ZMYM4: variants seen among roughly 807,000 people sequenced by gnomAD.
The protein encoded by ZMYM4 is zinc finger MYM-type containing 4, also known as zinc finger MYM-type protein 4.
Under a neutral mutation model 183.2 loss-of-function variants are expected in ZMYM4, and 31 were observed. The observed-to-expected ratio is 0.17, with a 90% CI of 0.13 to 0.23. ZMYM4 has a LOEUF of 0.23. Ranked by LOEUF, ZMYM4 falls within the 10% of genes least tolerant of loss-of-function variation. The pLI, the probability that ZMYM4 is intolerant of heterozygous loss-of-function variation, is 1.00. For synonymous variants in ZMYM4, 592 were observed against 631.2 expected (o/e 0.94, Z 0.93); for missense variants, 1,273 against 1,840.3 (o/e 0.69, Z 5.64).
intron 1 of ZMYM4, among the ~76,000 whole-genome samples, chr1:35,320,432 A>G (rs1249001324): frequency 6.6e-6 from 1 of 152,202 alleles, no homozygotes; most frequent in Non-Finnish European, 1.5e-5. Context: ...GTATCATCCT[A>G]TGCATCTCTT....
chr1:35,388,620 T>C (rs1173619619), intron 13 of ZMYM4, among the ~76,000 whole-genome samples: 1 of 152,232 alleles, frequency 6.6e-6, no homozygotes, highest in Non-Finnish European at 1.5e-5. Flanking sequence ...CTAGTATAGA[T>C]ACTCTAAAAA....
chr1:35,271,282 T>A (rs1639585445), intron 1 of ZMYM4, among the ~76,000 whole-genome samples: 1 of 152,136 alleles, frequency 6.6e-6, no homozygotes, highest in South Asian at 2.1e-4. Context: ...TTCAACTAGA[T>A]TTTAAATATA....
Position 35,361,789 on chromosome 1 carries a change from A to G in ZMYM4, c.840A>G (p.Gln280=), listed in dbSNP as rs1489800841. The change falls in exon 5 of 30, where the codon CAA becomes CAG. Residue 280 remains glutamine, a splice_region_variant and synonymous_variant. Transcript: ENST00000314607. ...DKIKDEPDNA[Q]EYSHGQQQKT... Reference sequence around the variant, plus strand: ...TAAAAGATGAACCTGACAATGCTCAAGTAAACATTTCACCTTTTTTCCCCC... The same window carrying G: ...TAAAAGATGAACCTGACAATGCTCAGGTAAACATTTCACCTTTTTTCCCCC... 8.8e-6 allele frequency: 14 copies of G among 1,598,184 alleles called. No homozygotes were observed. Among genetic ancestry groups the G allele is most frequent in the Non-Finnish European group, 1.2e-5 (14 of 1,175,186 alleles).
chr1:35,336,734 A>G (rs1025592301), intron 2 of ZMYM4, among the ~76,000 whole-genome samples: 1 of 152,078 alleles, frequency 6.6e-6, no homozygotes, highest in Non-Finnish European at 1.5e-5. Flanking sequence ...GCTGAATCAT[A>G]TTCAGTTGTT....
intron 7 of ZMYM4, among the ~76,000 whole-genome samples, chr1:35,373,405 C>T (rs1244282829): frequency 1.4e-5 from 2 of 146,008 alleles, no homozygotes; most frequent in Non-Finnish European, 1.5e-5. Flanking sequence ...GACCGAGTCT[C>T]GCCGCTCTGT....
At chr1:35,354,727 TAAAAAAAAA>T (rs57493035) in intron 2 of ZMYM4, among the ~76,000 whole-genome samples, 34 of 84,036 alleles carry the variant, frequency 4.0e-4, no homozygotes, top group South Asian at 1.2e-3. Flanking sequence ...ACTTTGTCTT[TAAAAAAAAA>T]AAAAAAAAAA....
At chr1:35,416,823 C>G (rs1045139116) in intron 28 of ZMYM4, among the ~76,000 whole-genome samples, 1 of 152,170 alleles carries the variant, frequency 6.6e-6, no homozygotes, top group East Asian at 1.9e-4. Flanking sequence ...CTCGGCCTCT[C>G]AAAGTGCTGG....
Position 35,399,562 on chromosome 1 carries a change from C to G in ZMYM4, c.3514C>G (p.Gln1172Glu). 1 of 1,614,124 alleles carries G rather than the reference C, an allele frequency of 6.2e-7. No homozygotes were observed. The highest frequency in any genetic ancestry group is 8.5e-7 in the Non-Finnish European group (1 of 1,179,992). Residue 1172 changes from glutamine (Q) to glutamate (E), a missense_variant, in exon 23 of 30, where the codon CAA (glutamine) becomes GAA (glutamate). By Grantham distance (29) the Gln-to-Glu change is conservative. Transcript: ENST00000314607. ...TRRRHRDGFP[Q>E]PRRRGRKKSI... ...ACGACGACACAGAGATGGCTTCCCC[C>G]AACCCAGACGAAGAGTAAGCTGCAG...
At position 35,370,424 on chromosome 1, in the gene ZMYM4, T is replaced by G; in HGVS notation, c.978T>G (p.Asn326Lys). Residue 326 changes from asparagine (N) to lysine (K), a missense_variant, in exon 7 of 30, where the codon AAT becomes AAG. Transcript: ENST00000314607. ...FQPSLASSGM[N>K]KMLPSVPATA... ...CCTCACTGGCGTCATCTGGCATGAA[T>G]AAAATGCTTCCTTCAGTTCCAGCCA... 1 of 1,452,200 alleles carries G rather than the reference T, an allele frequency of 6.9e-7. No homozygotes were observed. Among genetic ancestry groups the G allele is most frequent in the Non-Finnish European group, 9.2e-7 (1 of 1,085,522 alleles). The allele number at this position is 1,452,200 out of a possible 1,614,324, so 90.0% of individuals were successfully genotyped here. A position where few individuals can be genotyped will look rare whatever the true frequency, so the allele number is the denominator to read the frequency against.
chr1:35,414,613 A>T (rs1640039071), intron 27 of ZMYM4, among the ~76,000 whole-genome samples: 3 of 152,240 alleles, frequency 2.0e-5, no homozygotes, highest in South Asian at 2.1e-4. Context: ...CTCCAACAGG[A>T]GTTTGCAAAC....
chr1:35,378,137 C>T (rs1363825832), intron 7 of ZMYM4, among the ~76,000 whole-genome samples: 2 of 152,184 alleles, frequency 1.3e-5, no homozygotes, highest in African/African-American at 4.8e-5. Context: ...GCAATTCTGT[C>T]GCATCTTCAG....
intron 1 of ZMYM4, among the ~76,000 whole-genome samples, chr1:35,283,378 C>A (rs1467376904): frequency 7.7e-6 from 1 of 129,254 alleles, no homozygotes; most frequent in Non-Finnish European, 1.6e-5. Flanking sequence ...TGCTCAGTCG[C>A]CCAGGCTGGA....
intron 1 of ZMYM4, among the ~76,000 whole-genome samples, chr1:35,303,222 G>A (rs79144893): frequency 0.021 from 3,147 of 150,776 alleles, 113 homozygotes; most frequent in African/African-American, 0.073. Context: ...TTGGGAGGTC[G>A]AGGCTGCAAT....
chr1:35,355,963 C>T (rs922100197), intron 2 of ZMYM4, among the ~76,000 whole-genome samples: 25 of 152,152 alleles, frequency 1.6e-4, no homozygotes, highest in African/African-American at 6.0e-4. Context: ...TGCAGTGGCT[C>T]ATGTCTGTAA....
At chr1:35,339,586 T>A (rs1281096178) in intron 2 of ZMYM4, among the ~76,000 whole-genome samples, 2 of 152,200 alleles carry the variant, frequency 1.3e-5, no homozygotes, top group Admixed American at 6.5e-5. Flanking sequence ...TGTGTATAGA[T>A]TATGTGCAAA....
chr1:35,360,640 A>C (rs1247438997), intron 3 of ZMYM4, among the ~76,000 whole-genome samples: 1 of 152,136 alleles, frequency 6.6e-6, no homozygotes, highest in East Asian at 1.9e-4. Flanking sequence ...AGGCCGTAGA[A>C]GTGCCAATGT....
chr1:35,379,978 A>G (rs2148961430), intron 7 of ZMYM4, among the ~76,000 whole-genome samples: 1 of 152,356 alleles, frequency 6.6e-6, no homozygotes, highest in South Asian at 2.1e-4. Context: ...TTATAGTAGC[A>G]AAAACGTTTG....
At chr1:35,290,336 T>G (rs993518187) in intron 1 of ZMYM4, among the ~76,000 whole-genome samples, 1 of 152,268 alleles carries the variant, frequency 6.6e-6, no homozygotes, top group Non-Finnish European at 1.5e-5. Context: ...ATTGTACTTA[T>G]GCTTAGCATA....
chr1:35,275,554 T>C (rs1639829889), intron 1 of ZMYM4, among the ~76,000 whole-genome samples: 1 of 152,206 alleles, frequency 6.6e-6, no homozygotes, highest in Non-Finnish European at 1.5e-5. Context: ...AAAGAATATG[T>C]AAGTAGATAA....
Sources: gnomAD v4.1 joint callset for allele counts (sites outside exome capture counted in the v4.1 genomes callset) on GRCh38, gnomAD v4.1.1 for gene constraint, MANE v1.5 for transcripts, NCBI Gene and HGNC (gene_info 2026-07-23, HGNC 2026-07-21) for gene names.